The following MYO7A variants were observed in gnomAD, a reference collection of about 807,000 sequenced individuals.
MYO7A encodes unconventional myosin-VIIa.
Under a neutral mutation model 263.8 loss-of-function variants are expected in MYO7A, and 210 were observed. The ratio of observed to expected loss-of-function variants is 0.80; its 90% CI spans 0.71 to 0.89. The LOEUF is 0.89. Ranked by LOEUF, MYO7A falls within the 40% of genes least tolerant of loss-of-function variation. The pLI is 0.00. For missense variants in MYO7A, 2,820 were observed against 2,968.3 expected (o/e 0.95, Z 1.16); for synonymous variants, 1,239 against 1,197.3 (o/e 1.03, Z -0.72).
At chr11:77,161,291 C>T (rs538960635) in intron 12 of MYO7A, among the ~76,000 whole-genome samples, 176 bp downstream of exon 12, 22 of 152,284 alleles carry the variant, frequency 1.4e-4, no homozygotes, top group African/African-American at 4.8e-4. Flanking sequence ...CCCTCACCTC[C>T]TCAAGGTCAG....
rs112819443 is a variant in MYO7A at position 77,173,562 on chromosome 11, G to T, written c.1935+677G>T. Among the ~76,000 whole-genome samples the T allele has an allele frequency of 3.5e-3, 530 of 152,284 alleles. 6 individuals are homozygous for T. The highest frequency in any genetic ancestry group is 0.011 in the African/African-American group (450 of 41,550). On this transcript the variant is annotated intron_variant, in intron 16 of 48. Coordinates refer to ENST00000409709, the MANE Select transcript of MYO7A (RefSeq NM_000260.4). ...GGCTCAGGGAGGTTAAGGGGCTCAGGCTGGGGCCACCTCGCTGCGAGCCCT... is the reference window on the plus strand; with the variant it reads ...GGCTCAGGGAGGTTAAGGGGCTCAGTCTGGGGCCACCTCGCTGCGAGCCCT...
intron 1 of MYO7A, 51 bp from the exon 2 acceptor site, chr11:77,130,538 G>C: frequency 1.4e-6 from 2 of 1,468,284 alleles, no homozygotes; most frequent in African/African-American, 1.4e-5. Flanking sequence ...CAGGCTCAAG[G>C]CTTCCAGGGC....
intron 23 of MYO7A, 87 bp downstream of exon 23, chr11:77,181,676 C>T: frequency 1.6e-6 from 2 of 1,280,640 alleles, no homozygotes; most frequent in Non-Finnish European, 2.2e-6. Context: ...GCCTTAAAGC[C>T]CACCCAGTCC....
intron 33 of MYO7A, 132 bp downstream of exon 33, chr11:77,197,730 A>C (rs1034558648): frequency 5.0e-5 from 30 of 601,842 alleles, no homozygotes; most frequent in Middle Eastern, 8.7e-4. Flanking sequence ...ACAGCCTACA[A>C]ATTCTCAGGT....
At chr11:77,165,266 C>A (rs1953423503) in intron 14 of MYO7A, among the ~76,000 whole-genome samples, 1 of 152,238 alleles carries the variant, frequency 6.6e-6, no homozygotes, top group Non-Finnish European at 1.5e-5. Flanking sequence ...CTGCTCTGTG[C>A]AGTGGCACTC....
chr11:77,180,364 C>T lies in MYO7A; in HGVS notation c.2587-10C>T. On this transcript the variant is annotated splice_polypyrimidine_tract_variant and intron_variant, in intron 21 of 48. Transcript: ENST00000409709. ...CATTTCCATGCCCTCTGGATGCCCCCTTCCCTCAGTATCTGTGGCGCCTCG... is the reference window on the plus strand; with the variant it reads ...CATTTCCATGCCCTCTGGATGCCCCTTTCCCTCAGTATCTGTGGCGCCTCG... 6.2e-7 allele frequency: 1 copy of T among 1,610,584 alleles called. No homozygotes were observed. The highest frequency in any genetic ancestry group is 8.5e-7 in the Non-Finnish European group (1 of 1,178,680).
In MYO7A at chr11:77,166,177, G is replaced by C; in HGVS notation, c.1797+15G>C. 6.2e-7 allele frequency: 1 copy of C among 1,611,438 alleles called. No homozygotes were observed. Among genetic ancestry groups the C allele is most frequent in the South Asian group, 1.1e-5 (1 of 90,850 alleles). On this transcript the variant is annotated intron_variant, in intron 15 of 48. Coordinates refer to ENST00000409709, the MANE Select transcript of MYO7A (RefSeq NM_000260.4). ...ATGTCGCCATGGTAAGCCGGGTGCG[G>C]TTTCTGTTGTTCGGGAAGGGCCCCC...
intron 31 of MYO7A, among the ~76,000 whole-genome samples, chr11:77,193,328 G>A: frequency 6.8e-6 from 1 of 147,490 alleles, no homozygotes; most frequent in Non-Finnish European, 1.5e-5. Flanking sequence ...AGTGATGATA[G>A]TGGTGATGGT....
At chr11:77,196,568 G>A (rs965373776) in intron 32 of MYO7A, among the ~76,000 whole-genome samples, 2 of 152,208 alleles carry the variant, frequency 1.3e-5, no homozygotes, top group African/African-American at 4.8e-5. Context: ...ACTGCTATGT[G>A]CACTTCACTT....
chr11:77,166,959 G>A (rs186638679), intron 15 of MYO7A, among the ~76,000 whole-genome samples: 45 of 152,288 alleles, frequency 3.0e-4, no homozygotes, highest in Middle Eastern at 6.8e-3. Flanking sequence ...GTTATTCATC[G>A]GGTACTCTGC....
chr11:77,140,623 A>G (rs1951154891), intron 2 of MYO7A, among the ~76,000 whole-genome samples: 1 of 152,202 alleles, frequency 6.6e-6, no homozygotes, highest in African/African-American at 2.4e-5. Context: ...AGGGAGCTCC[A>G]GGCCAGTGGG....
Position 77,183,086 on chromosome 11 carries a change from CAGA to C in MYO7A, c.3311_3313del (p.Lys1104del). The C allele has an allele frequency of 6.4e-7, 1 of 1,551,604 alleles. No homozygotes were observed. Among genetic ancestry groups the C allele is most frequent in the Non-Finnish European group, 8.7e-7 (1 of 1,147,244 alleles). ...CCTGCAGGCCCAGCTCCCCGAGGGC[CAGA>C]AGAAGAGCAGTGTGAGGCACAAGCT... On this transcript the variant is annotated inframe_deletion, in exon 26 of 49. Transcript: ENST00000409709.
chr11:77,201,733 C>T, intron 36 of MYO7A, 95 bp downstream of exon 36: 1 of 1,324,948 alleles, frequency 7.5e-7, no homozygotes, highest in Non-Finnish European at 1.0e-6. Context: ...CGGTCTAGTG[C>T]ATCTGTGAAG....
chr11:77,174,940 A>C, intron 17 of MYO7A, 26 bp downstream of exon 17: 1 of 1,600,858 alleles, frequency 6.2e-7, no homozygotes, highest in Non-Finnish European at 8.6e-7. Context: ...CACAGAGGGC[A>C]GGAGGGGAGG....
chr11:77,199,842 G>T (rs370863750), intron 35 of MYO7A, 24 bp downstream of exon 35: 1 of 1,558,626 alleles, frequency 6.4e-7, no homozygotes. Context: ...GGTATGGACT[G>T]CCTGGCACTG....
intron 2 of MYO7A, among the ~76,000 whole-genome samples, chr11:77,139,210 C>T (rs1400114721): frequency 6.6e-6 from 1 of 152,202 alleles, no homozygotes; most frequent in Non-Finnish European, 1.5e-5. Flanking sequence ...GGAGCTGGGA[C>T]TATAAGCCAG....
chr11:77,200,218 C>T (rs1471380264), intron 35 of MYO7A, among the ~76,000 whole-genome samples: 7 of 151,936 alleles, frequency 4.6e-5, no homozygotes, highest in South Asian at 2.1e-4. Context: ...CTGCAGTGAG[C>T]CATGATTGTG....
chr11:77,201,951 C>G (rs1451619302), intron 36 of MYO7A, among the ~76,000 whole-genome samples: 1 of 152,070 alleles, frequency 6.6e-6, no homozygotes, highest in East Asian at 1.9e-4. Flanking sequence ...TCTTCTGGAG[C>G]CCCCTTGAGA....
intron 27 of MYO7A, among the ~76,000 whole-genome samples, chr11:77,187,998 T>C (rs1383503543): frequency 6.6e-6 from 1 of 152,236 alleles, no homozygotes; most frequent in Non-Finnish European, 1.5e-5. Flanking sequence ...AGGCAGCTGC[T>C]GCAGGCGTGT....
Sources: gnomAD v4.1 joint callset for allele counts (sites outside exome capture counted in the v4.1 genomes callset) on GRCh38, gnomAD v4.1.1 for gene constraint, MANE v1.5 for transcripts, NCBI Gene and HGNC (gene_info 2026-07-23, HGNC 2026-07-21) for gene names.